Variants in TRPC6 observed in about 807,000 individuals in gnomAD.
TRPC6 encodes the protein short transient receptor potential channel 6.
In TRPC6, 55 loss-of-function variants were observed where a neutral mutation model predicts 90.7. The observed-to-expected ratio is 0.61, with a 90% CI of 0.49 to 0.76. The LOEUF (loss-of-function observed/expected upper bound fraction) is 0.76. TRPC6 is among the 30% of genes least tolerant of loss of function. The probability of loss-of-function intolerance (pLI) is 0.00; values close to 1 mark genes in which losing one functional copy is unlikely to be tolerated. For synonymous variants in TRPC6, 393 were observed against 393.0 expected (o/e 1.00, Z 0.00); for missense variants, 989 against 1,122.7 (o/e 0.88, Z 1.70).
intron 2 of TRPC6, among the ~76,000 whole-genome samples, chr11:101,497,513 G>A (rs960233772): frequency 1.3e-5 from 2 of 152,186 alleles, no homozygotes; most frequent in Admixed American, 6.5e-5. Flanking sequence ...CAGACACGGC[G>A]GGAGTTTCTC....
chr11:101,494,693 T>C (rs1000811595), intron 2 of TRPC6, among the ~76,000 whole-genome samples: 3 of 152,216 alleles, frequency 2.0e-5, no homozygotes, highest in South Asian at 2.1e-4. Flanking sequence ...TAGGTAACAC[T>C]TTTTTAAAGC....
intron 2 of TRPC6, among the ~76,000 whole-genome samples, chr11:101,497,588 C>A (rs999366800): frequency 6.6e-6 from 1 of 152,108 alleles, no homozygotes; most frequent in African/African-American, 2.4e-5. Context: ...CATGCATGAG[C>A]AGACCTCTAG....
At chr11:101,569,875 T>C (rs777093903) in intron 1 of TRPC6, among the ~76,000 whole-genome samples, 29 of 152,166 alleles carry the variant, frequency 1.9e-4, no homozygotes, top group Non-Finnish European at 3.7e-4. Context: ...AATCAGTGTT[T>C]AGAGGGAAAT....
chr11:101,499,603 T>TATATATAC (rs375026688), intron 2 of TRPC6, among the ~76,000 whole-genome samples: 10,206 of 68,098 alleles, frequency 0.15, 1,512 homozygotes, highest in African/African-American at 0.18. Context: ...TATACGTATA[T>TATATATAC]ATGGTATATA....
At chr11:101,525,652 T>C (rs12792834) in intron 1 of TRPC6, among the ~76,000 whole-genome samples, 12,884 of 152,230 alleles carry the variant, frequency 0.085, 729 homozygotes, top group Middle Eastern at 0.13. Context: ...GAACTCAAAG[T>C]ATTTTGATAC....
At chr11:101,550,625 T>C (rs1383325635) in intron 1 of TRPC6, among the ~76,000 whole-genome samples, 3 of 151,734 alleles carry the variant, frequency 2.0e-5, no homozygotes, top group African/African-American at 7.2e-5. Context: ...TAAATAAGGA[T>C]AAAGGGCAAT....
chr11:101,461,102 C>T (rs1858994691), intron 10 of TRPC6, among the ~76,000 whole-genome samples: 1 of 152,132 alleles, frequency 6.6e-6, no homozygotes, highest in African/African-American at 2.4e-5. Context: ...ATTGGGACCA[C>T]ACAATATGTC....
intron 5 of TRPC6, 131 bp from the exon 6 acceptor site, chr11:101,476,665 C>T (rs1249701129): frequency 2.6e-6 from 2 of 765,814 alleles, no homozygotes; most frequent in East Asian, 5.3e-5. Context: ...AACCTGCCGT[C>T]CCACCATAAT....
At chr11:101,577,655 C>T (rs1373068106) in intron 1 of TRPC6, among the ~76,000 whole-genome samples, 1 of 152,160 alleles carries the variant, frequency 6.6e-6, no homozygotes, top group Non-Finnish European at 1.5e-5. Context: ...AACAAGAACG[C>T]TCGCTGCCAG....
At chr11:101,475,126 T>C (rs1859382040) in intron 6 of TRPC6, among the ~76,000 whole-genome samples, 1 of 152,208 alleles carries the variant, frequency 6.6e-6, no homozygotes, top group East Asian at 1.9e-4. Context: ...TTATCAGTGT[T>C]AGAGGTGATG....
chr11:101,532,090 A>G (rs1026406860), intron 1 of TRPC6, among the ~76,000 whole-genome samples: 2 of 152,204 alleles, frequency 1.3e-5, no homozygotes, highest in Middle Eastern at 3.2e-3. Flanking sequence ...TCAAGCAACA[A>G]CATTGTACAG....
At chr11:101,454,801 A>T (rs954102045) in intron 11 of TRPC6, among the ~76,000 whole-genome samples, 1 of 150,290 alleles carries the variant, frequency 6.7e-6, no homozygotes, top group Non-Finnish European at 1.5e-5. Flanking sequence ...TTTTTAATGG[A>T]GACTTTCAGA....
intron 2 of TRPC6, among the ~76,000 whole-genome samples, chr11:101,503,335 A>G (rs1030640421): frequency 3.9e-5 from 6 of 152,174 alleles, no homozygotes; most frequent in Non-Finnish European, 5.9e-5. Context: ...TTTTGCTGGT[A>G]CACCTTGGCC....
chr11:101,549,890 G>A (rs1470655272), intron 1 of TRPC6, among the ~76,000 whole-genome samples: 2 of 151,376 alleles, frequency 1.3e-5, no homozygotes, highest in Non-Finnish European at 3.0e-5. Flanking sequence ...AGACAAATAA[G>A]TGCAAATTAA....
chr11:101,527,537 T>C (rs1008717272), intron 1 of TRPC6, among the ~76,000 whole-genome samples: 1 of 152,116 alleles, frequency 6.6e-6, no homozygotes, highest in African/African-American at 2.4e-5. Context: ...TTATAGGCAT[T>C]TGTGAAGTGT....
chr11:101,558,984 A>C (rs1421224966), intron 1 of TRPC6, among the ~76,000 whole-genome samples: 1 of 152,168 alleles, frequency 6.6e-6, no homozygotes, highest in African/African-American at 2.4e-5. Flanking sequence ...ATTTAAGCCC[A>C]AAAGTGCAGA....
chr11:101,473,171 G>A (rs1030062244), intron 7 of TRPC6, among the ~76,000 whole-genome samples: 1 of 152,048 alleles, frequency 6.6e-6, no homozygotes, highest in African/African-American at 2.4e-5. Context: ...AGCAAGCAAG[G>A]GTTACAGCCT....
rs1391491094 is a variant in TRPC6, at chr11:101,583,724, C to G, written c.-221G>C. On this transcript the variant is annotated 5_prime_UTR_variant, in exon 1 of 13. Transcript: ENST00000344327. ...CCACTTAAGGGGGTGCAAAGAGGAT[C>G]TTGACCTGAGCAGGTCAGGCCGAGG... is the stretch of plus-strand genomic sequence containing the variant. 9 of 472,462 alleles carry G rather than the reference C, an allele frequency of 1.9e-5. No individual in the cohort carries two copies. The Admixed American group carries it at 3.8e-4, about 20-fold the overall frequency. 29.3% of individuals were successfully genotyped at this position (472,462 alleles called of 1,614,324 possible).
intron 1 of TRPC6, among the ~76,000 whole-genome samples, chr11:101,521,944 A>G (rs1384899057): frequency 1.3e-5 from 2 of 152,192 alleles, no homozygotes; most frequent in East Asian, 1.9e-4. Context: ...TCTTGGAAGT[A>G]AGTAACTTTT....
Sources: gnomAD v4.1 joint callset for allele counts (sites outside exome capture counted in the v4.1 genomes callset) on GRCh38, gnomAD v4.1.1 for gene constraint, MANE v1.5 for transcripts, NCBI Gene and HGNC (gene_info 2026-07-23, HGNC 2026-07-21) for gene names.